DTNB: variants seen among roughly 807,000 people sequenced by gnomAD.
DTNB encodes dystrobrevin beta.
Under a neutral mutation model 90.7 loss-of-function variants are expected in DTNB, and 63 were observed. The ratio of observed to expected loss-of-function variants is 0.69; its 90% CI spans 0.57 to 0.86. DTNB has a LOEUF of 0.86. Among genes scored for constraint, DTNB ranks in the 40% least tolerant of loss-of-function variants. The pLI is 0.00. For synonymous variants in DTNB, 277 were observed against 286.7 expected, an observed-to-expected ratio of 0.97 and a Z score of 0.34; for missense variants, 744 against 807.1, an observed-to-expected ratio of 0.92 and a Z score of 0.95.
chr2:25,511,255 CTTCAT>C (rs2073883638), intron 9 of DTNB, among the ~76,000 whole-genome samples: 1 of 152,206 alleles, frequency 6.6e-6, no homozygotes, highest in African/African-American at 2.4e-5. Flanking sequence ...TATTTATTCA[CTTCAT>C]TTATGTGAGA....
chr2:25,436,809 A>C (rs2055933030), intron 12 of DTNB, among the ~76,000 whole-genome samples: 1 of 152,162 alleles, frequency 6.6e-6, no homozygotes, highest in Non-Finnish European at 1.5e-5. Flanking sequence ...AATTCCTGAA[A>C]ACTGGAGCTA....
chr2:25,515,707 C>G lies in DTNB; in HGVS notation c.1001+15766G>C, dbSNP rs1235674251. Among the ~76,000 whole-genome samples the G allele has an allele frequency of 2.0e-5, 3 of 152,126 alleles. No individual in the cohort carries two copies. In the East Asian group the frequency reaches 5.8e-4, roughly 29 times the overall value. On this transcript the variant is annotated intron_variant, in intron 9 of 20. Coordinates refer to ENST00000406818, the MANE Select transcript of DTNB (RefSeq NM_021907.5). The stretch of plus-strand genomic sequence containing the variant: ...TCTCCTGCCTAAGCCTCCTGAGTAG[C>G]TGGGATTACAGGAGCCCGCCACCAT...
At chr2:25,657,408 G>C (rs2082272635) in intron 1 of DTNB, among the ~76,000 whole-genome samples, 1 of 152,146 alleles carries the variant, frequency 6.6e-6, no homozygotes, top group South Asian at 2.1e-4. Flanking sequence ...ATCTGATGAA[G>C]TACTTGTATA....
chr2:25,555,043 T>A (rs1388775032), intron 8 of DTNB, among the ~76,000 whole-genome samples: 1 of 152,058 alleles, frequency 6.6e-6, no homozygotes, highest in Non-Finnish European at 1.5e-5. Flanking sequence ...ATGCCTGTAA[T>A]CCCAGCACTT....
At chr2:25,492,259 G>A (rs1057479376) in intron 9 of DTNB, among the ~76,000 whole-genome samples, 1 of 152,104 alleles carries the variant, frequency 6.6e-6, no homozygotes, top group Non-Finnish European at 1.5e-5. Context: ...TCTGGCTTGA[G>A]AGCTTAACAG....
At chr2:25,564,059 G>A (rs1393953635) in intron 8 of DTNB, among the ~76,000 whole-genome samples, 5 of 151,034 alleles carry the variant, frequency 3.3e-5, no homozygotes, top group African/African-American at 9.8e-5. Flanking sequence ...CTGCTACCAC[G>A]CCCGGCTAAT....
intron 10 of DTNB, among the ~76,000 whole-genome samples, chr2:25,472,902 A>G (rs1009848340): frequency 6.6e-5 from 10 of 152,180 alleles, no homozygotes; most frequent in African/African-American, 2.2e-4. Flanking sequence ...AAATAAATAA[A>G]TAATTAACAA....
intron 3 of DTNB, among the ~76,000 whole-genome samples, chr2:25,635,814 G>C (rs528758986): frequency 1.3e-5 from 2 of 152,148 alleles, no homozygotes; most frequent in Non-Finnish European, 2.9e-5. Context: ...AAGAAAAGCC[G>C]AGCAAAGTAG....
intron 2 of DTNB, 181 bp from the exon 3 acceptor site, chr2:25,639,275 T>G (rs1028671804): frequency 3.9e-6 from 2 of 517,468 alleles, no homozygotes; most frequent in African/African-American, 3.8e-5. Flanking sequence ...GCATCTCCAG[T>G]ATGTGCAGGA....
intron 12 of DTNB, among the ~76,000 whole-genome samples, chr2:25,444,386 G>A (rs577243287): frequency 1.3e-5 from 2 of 151,894 alleles, no homozygotes; most frequent in Non-Finnish European, 2.9e-5. Flanking sequence ...CAAAAAATTA[G>A]CCGGGTGTGG....
At chr2:25,633,558 A>G (rs997557285) in intron 3 of DTNB, among the ~76,000 whole-genome samples, 7 of 151,964 alleles carry the variant, frequency 4.6e-5, no homozygotes, top group Non-Finnish European at 8.8e-5. Flanking sequence ...CCAAAGTGCC[A>G]AGATTGCAGC....
chr2:25,667,674 G>A (rs931733929), intron 1 of DTNB, among the ~76,000 whole-genome samples: 2 of 152,168 alleles, frequency 1.3e-5, no homozygotes, highest in Non-Finnish European at 2.9e-5. Flanking sequence ...TATTGGGAAT[G>A]CAAATGATAC....
intron 9 of DTNB, among the ~76,000 whole-genome samples, chr2:25,489,909 C>T (rs903159757): frequency 1.3e-5 from 2 of 152,000 alleles, no homozygotes; most frequent in African/African-American, 4.8e-5. Context: ...ATAGGGATTC[C>T]AATTAGATAA....
At chr2:25,531,340 A>C (rs2078136373) in intron 9 of DTNB, 133 bp downstream of exon 9, 2 of 1,390,772 alleles carry the variant, frequency 1.4e-6, no homozygotes, top group African/African-American at 1.5e-5. Flanking sequence ...TGAAGTCTTA[A>C]GTTCCCACAA....
intron 9 of DTNB, among the ~76,000 whole-genome samples, chr2:25,486,896 G>C (rs1257258713): frequency 6.6e-6 from 1 of 152,162 alleles, no homozygotes; most frequent in Non-Finnish European, 1.5e-5. Context: ...TCTCAGCAAG[G>C]TATAGGCACT....
intron 1 of DTNB, among the ~76,000 whole-genome samples, chr2:25,666,870 G>A (rs973871327): frequency 1.3e-5 from 2 of 152,134 alleles, no homozygotes; most frequent in African/African-American, 2.4e-5. Flanking sequence ...CAGCAATGAT[G>A]CTGGAGCTGA....
chr2:25,383,324 T>C (rs920286989), intron 19 of DTNB, among the ~76,000 whole-genome samples: 1 of 151,398 alleles, frequency 6.6e-6, no homozygotes. Context: ...CAAGTGATTC[T>C]CCTGCCTCAT....
intron 11 of DTNB, 77 bp from the exon 12 acceptor site, chr2:25,451,712 G>A: frequency 7.4e-7 from 1 of 1,345,892 alleles, no homozygotes; most frequent in Non-Finnish European, 9.9e-7. Flanking sequence ...AAGAACAGAT[G>A]GAAGAAAAGC....
intron 8 of DTNB, among the ~76,000 whole-genome samples, chr2:25,543,807 TCTAG>T (rs2081874892): frequency 6.6e-6 from 1 of 152,258 alleles, no homozygotes; most frequent in Admixed American, 6.5e-5. Flanking sequence ...AGTTTACTCT[TCTAG>T]CAGCTACTTT....
Sources: allele counts gnomAD v4.1 joint callset (sites outside exome capture counted in the v4.1 genomes callset), GRCh38; gene constraint gnomAD v4.1.1; transcripts MANE v1.5; gene names NCBI Gene and HGNC (gene_info 2026-07-23, HGNC 2026-07-21).